CSMD3: variants seen among roughly 807,000 people sequenced by gnomAD.
CSMD3 encodes CUB and sushi domain-containing protein 3.
In CSMD3, 177 loss-of-function variants were observed where a neutral mutation model predicts 435.2. The observed-to-expected ratio is 0.41, with a 90% CI of 0.36 to 0.46. CSMD3 has a LOEUF of 0.46. CSMD3 is among the 20% of genes least tolerant of loss of function. The pLI, the probability that CSMD3 is intolerant of heterozygous loss-of-function variation, is 0.34. For missense variants in CSMD3, 4,265 were observed against 4,504.6 expected (o/e 0.95, Z 1.52); for synonymous variants, 1,656 against 1,520.5 (o/e 1.09, Z -2.07).
rs543711859 is a variant in CSMD3 at position 112,726,781 on chromosome 8, AT to A, written c.1973-36732del. Among the ~76,000 whole-genome samples the A allele has an allele frequency of 2.1e-3, 316 of 152,010 alleles. 1 individual carries two copies. Among genetic ancestry groups the A allele is most frequent in the African/African-American group, 7.3e-3 (305 of 41,560 alleles). On this transcript the variant is annotated intron_variant, in intron 13 of 70. Coordinates refer to ENST00000297405, the MANE Select transcript of CSMD3 (RefSeq NM_198123.2). ...CCAAATACTATAGATGCGTCATTAAATTTTTAAAAAGATACGGAAAAAAGGA... is the reference window on the plus strand; with the variant it reads ...CCAAATACTATAGATGCGTCATTAAATTTTAAAAAGATACGGAAAAAAGGA...
chr8:113,303,569 G>C (rs2132606837), intron 2 of CSMD3, among the ~76,000 whole-genome samples: 1 of 147,722 alleles, frequency 6.8e-6, no homozygotes, highest in East Asian at 2.0e-4. Context: ...CAGAGATATA[G>C]ATCAATGGAA....
At chr8:112,306,517 A>G (rs1821436673) in intron 50 of CSMD3, among the ~76,000 whole-genome samples, 1 of 152,224 alleles carries the variant, frequency 6.6e-6, no homozygotes. Context: ...GGTAAAGAGT[A>G]TCTCTAATGC....
intron 22 of CSMD3, among the ~76,000 whole-genome samples, chr8:112,613,380 A>C (rs1224228779): frequency 6.6e-6 from 1 of 152,228 alleles, no homozygotes; most frequent in Non-Finnish European, 1.5e-5. Flanking sequence ...GGTAGATTAC[A>C]TATATGGAGT....
At chr8:113,426,117 T>C (rs2094634586) in intron 1 of CSMD3, among the ~76,000 whole-genome samples, 1 of 151,438 alleles carries the variant, frequency 6.6e-6, no homozygotes, top group Non-Finnish European at 1.5e-5. Context: ...TTTTTCTAAC[T>C]TTGATCCCTT....
chr8:113,329,142 C>T (rs1452699596), intron 1 of CSMD3, among the ~76,000 whole-genome samples: 1 of 150,658 alleles, frequency 6.6e-6, no homozygotes, highest in Non-Finnish European at 1.5e-5. Flanking sequence ...TTTCGAAGTT[C>T]AGAAATTGGA....
chr8:112,270,117 C>T (rs1817326457), intron 59 of CSMD3, among the ~76,000 whole-genome samples: 1 of 152,152 alleles, frequency 6.6e-6, no homozygotes, highest in African/African-American at 2.4e-5. Flanking sequence ...CACGTATAGT[C>T]TGAAGCCGGT....
intron 10 of CSMD3, among the ~76,000 whole-genome samples, chr8:112,898,894 T>C (rs978165845): frequency 1.9e-4 from 28 of 151,240 alleles, no homozygotes; most frequent in African/African-American, 6.8e-4. Context: ...AGACATAAAA[T>C]TGAAACTTTG....
At chr8:112,512,234 C>G in intron 28 of CSMD3, among the ~76,000 whole-genome samples, 1 of 152,156 alleles carries the variant, frequency 6.6e-6, no homozygotes, top group Non-Finnish European at 1.5e-5. Flanking sequence ...TTACTTTGCT[C>G]AGATGCATCA....
At chr8:112,909,290 G>A (rs2082342922) in intron 10 of CSMD3, among the ~76,000 whole-genome samples, 1 of 151,444 alleles carries the variant, frequency 6.6e-6, no homozygotes, top group Non-Finnish European at 1.5e-5. Flanking sequence ...AGTCATCCAA[G>A]ATGTCTCCTT....
chr8:112,702,744 G>C (rs1346075184), intron 13 of CSMD3, among the ~76,000 whole-genome samples: 1 of 151,938 alleles, frequency 6.6e-6, no homozygotes, highest in African/African-American at 2.4e-5. Context: ...CGTGAAGTAG[G>C]GTATTTCCCC....
chr8:113,413,227 TTC>T (rs1294654046), intron 1 of CSMD3, among the ~76,000 whole-genome samples: 1 of 152,154 alleles, frequency 6.6e-6, no homozygotes, highest in Non-Finnish European at 1.5e-5. Flanking sequence ...TTGAAATTAT[TTC>T]TCTTTTAAAA....
At chr8:112,995,839 ACCATT>A (rs201019728) in intron 6 of CSMD3, among the ~76,000 whole-genome samples, 6,994 of 151,436 alleles carry the variant, frequency 0.046, 218 homozygotes, top group Non-Finnish European at 0.069. Context: ...AGTTGTCTTT[ACCATT>A]CTTAGCTAGA....
intron 28 of CSMD3, among the ~76,000 whole-genome samples, chr8:112,507,716 T>G (rs1822680643): frequency 6.6e-6 from 1 of 152,214 alleles, no homozygotes; most frequent in East Asian, 1.9e-4. Flanking sequence ...AGAATTTTGA[T>G]TCTGGCAACA....
intron 38 of CSMD3, among the ~76,000 whole-genome samples, chr8:112,377,983 G>A (rs1297551230): frequency 6.6e-6 from 1 of 151,998 alleles, no homozygotes; most frequent in African/African-American, 2.4e-5. Context: ...AAATACTACT[G>A]GAAGTCCTAG....
At chr8:112,404,585 T>A (rs1484718130) in intron 35 of CSMD3, among the ~76,000 whole-genome samples, 1 of 152,128 alleles carries the variant, frequency 6.6e-6, no homozygotes, top group Non-Finnish European at 1.5e-5. Flanking sequence ...TTTGATCTCT[T>A]CTCAGTAGAA....
At chr8:112,425,565 C>A (rs975946506) in intron 32 of CSMD3, among the ~76,000 whole-genome samples, 3 of 152,134 alleles carry the variant, frequency 2.0e-5, no homozygotes, top group African/African-American at 7.2e-5. Flanking sequence ...AGGCCCCCAG[C>A]TACCCCAAGG....
chr8:113,321,368 G>A (rs746591981), intron 1 of CSMD3, among the ~76,000 whole-genome samples: 1 of 151,900 alleles, frequency 6.6e-6, no homozygotes. Context: ...AGCTGACCTA[G>A]GAATAGTTCT....
At chr8:112,599,717 T>C (rs1027399959) in intron 22 of CSMD3, among the ~76,000 whole-genome samples, 19 of 151,346 alleles carry the variant, frequency 1.3e-4, no homozygotes, top group African/African-American at 4.1e-4. Context: ...ATGTCCTTTG[T>C]AGGGACATGG....
intron 13 of CSMD3, among the ~76,000 whole-genome samples, chr8:112,740,202 A>T (rs533385585): frequency 1.6e-4 from 25 of 151,998 alleles, no homozygotes; most frequent in East Asian, 5.8e-4. Flanking sequence ...AAAAAATTTT[A>T]AAATATTTAT....
Sources: gnomAD v4.1 joint callset for allele counts (sites outside exome capture counted in the v4.1 genomes callset) on GRCh38, gnomAD v4.1.1 for gene constraint, MANE v1.5 for transcripts, NCBI Gene and HGNC (gene_info 2026-07-23, HGNC 2026-07-21) for gene names.